The following NCALD variants were observed in gnomAD, a reference collection of about 807,000 sequenced individuals.
NCALD encodes neurocalcin delta.
NCALD carries 10 observed loss-of-function variants against 18.6 expected under a neutral mutation model. That is an observed-to-expected ratio of 0.54 (90% CI 0.33 to 0.91). The LOEUF is 0.91. Ranked by LOEUF, NCALD falls within the 40% of genes least tolerant of loss-of-function variation. NCALD has a pLI of 0.03. For synonymous variants in NCALD, 88 were observed against 87.4 expected (o/e 1.01, Z -0.04); for missense variants, 184 against 247.6 (o/e 0.74, Z 1.72).
Position 101,688,812 on chromosome 8 carries a change from G to C in NCALD, c.*497C>G. The C allele has an allele frequency of 1.6e-6, 1 of 624,330 alleles. No individual in the cohort carries two copies. Among genetic ancestry groups the C allele is most frequent in the Non-Finnish European group, 3.0e-6 (1 of 338,700 alleles). 38.7% of individuals were successfully genotyped at this position (624,330 alleles called of 1,614,324 possible). A position where few individuals can be genotyped will look rare whatever the true frequency, so the allele number is the denominator to read the frequency against. On this transcript the variant is annotated 3_prime_UTR_variant, in exon 4 of 4. Coordinates refer to ENST00000220931, the MANE Select transcript of NCALD (RefSeq NM_032041.3). ...TGGGCCCCCATGGGGAAATGTCCCA[G>C]CTCGCTGGAATAGCCTCACCCCAGA...
intron 1 of NCALD, among the ~76,000 whole-genome samples, chr8:102,023,720 C>A (rs557601451): frequency 7.9e-4 from 121 of 152,246 alleles, no homozygotes; most frequent in Middle Eastern, 3.4e-3. Flanking sequence ...CAAGGATTTG[C>A]CATAGAAAAA....
At chr8:101,963,817 C>G (rs565484365) in intron 2 of NCALD, among the ~76,000 whole-genome samples, 1 of 152,048 alleles carries the variant, frequency 6.6e-6, no homozygotes, top group Non-Finnish European at 1.5e-5. Context: ...GAGAAACCAC[C>G]TGGAAAGATA....
At chr8:102,051,793 A>G (rs2186681) in intron 1 of NCALD, among the ~76,000 whole-genome samples, 76,738 of 152,094 alleles carry the variant, frequency 0.5, 19,891 homozygotes, top group African/African-American at 0.57. Context: ...TGTGCCATGC[A>G]AAATCCAAAC....
At chr8:101,853,319 C>T (rs1362188139) in intron 4 of NCALD, among the ~76,000 whole-genome samples, 1 of 152,098 alleles carries the variant, frequency 6.6e-6, no homozygotes, top group Non-Finnish European at 1.5e-5. Context: ...TTCTTGATGG[C>T]AGATCTATCA....
intron 1 of NCALD, among the ~76,000 whole-genome samples, chr8:102,089,120 T>C (rs1464733599): frequency 6.6e-6 from 1 of 152,124 alleles, no homozygotes; most frequent in Non-Finnish European, 1.5e-5. Context: ...ATAGGCCGGG[T>C]GCAGTGGCTC....
intron 1 of NCALD, among the ~76,000 whole-genome samples, chr8:102,030,469 T>C (rs1041888398): frequency 6.6e-6 from 1 of 152,250 alleles, no homozygotes; most frequent in African/African-American, 2.4e-5. Context: ...AGTTCATGTA[T>C]GTATATAAAC....
intron 2 of NCALD, among the ~76,000 whole-genome samples, chr8:101,974,705 A>C (rs986582296): frequency 9.9e-5 from 15 of 152,226 alleles, no homozygotes; most frequent in Admixed American, 9.2e-4. Context: ...TGTGTGTTCA[A>C]AACAGCAATA....
chr8:101,921,549 G>A (rs1818166561), intron 2 of NCALD, among the ~76,000 whole-genome samples: 1 of 152,038 alleles, frequency 6.6e-6, no homozygotes, highest in African/African-American at 2.4e-5. Flanking sequence ...AGCACTTAAT[G>A]GAGAATTGAA....
At chr8:102,040,189 A>G (rs1369773741) in intron 1 of NCALD, among the ~76,000 whole-genome samples, 2 of 152,170 alleles carry the variant, frequency 1.3e-5, no homozygotes, top group African/African-American at 4.8e-5. Flanking sequence ...TATCAATGAC[A>G]TTATCTAAAC....
At chr8:101,712,966 C>T (rs1333555824) in intron 2 of NCALD, among the ~76,000 whole-genome samples, 7 of 152,176 alleles carry the variant, frequency 4.6e-5, no homozygotes, top group Admixed American at 4.6e-4. Context: ...CCCAAATCAA[C>T]AGTGTATACA....
intron 2 of NCALD, among the ~76,000 whole-genome samples, chr8:102,017,569 C>A (rs1201309550): frequency 6.6e-6 from 1 of 152,100 alleles, no homozygotes; most frequent in African/African-American, 2.4e-5. Flanking sequence ...GTGGTGGGCA[C>A]CTGCAGTCCC....
At position 101,932,201 on chromosome 8, in the gene NCALD, C is replaced by T. The variant is rs143903464; in HGVS notation, c.-156-16343G>A. Among the ~76,000 whole-genome samples the T allele has an allele frequency of 1.3e-3, 198 of 152,320 alleles. 2 individuals carry two copies. Among genetic ancestry groups the T allele is most frequent in the African/African-American group, 4.3e-3 (180 of 41,562 alleles). ...CTGTCTTTCAGCCTCCAGGCCCCCT[C>T]CCCTGCCACAGGGACTTGCAGTCCA... is the stretch of plus-strand genomic sequence containing the variant. On this transcript the variant is annotated intron_variant, in intron 2 of 6. Coordinates refer to the NCALD transcript ENST00000311028.
chr8:101,750,801 A>G (rs1470371459), intron 1 of NCALD: 1 of 152,224 alleles, frequency 6.6e-6, no homozygotes, highest in African/African-American at 2.4e-5. Flanking sequence ...ATCTTCTGCC[A>G]GGTGATGAGC....
chr8:101,881,160 TA>T (rs1185004830), intron 4 of NCALD, among the ~76,000 whole-genome samples: 1 of 152,002 alleles, frequency 6.6e-6, no homozygotes, highest in African/African-American at 2.4e-5. Context: ...TCTATTAAAA[TA>T]AAAAAATACA....
chr8:101,712,609 A>AAAAAAAC, intron 2 of NCALD, among the ~76,000 whole-genome samples: 1 of 146,158 alleles, frequency 6.8e-6, no homozygotes, highest in African/African-American at 2.5e-5. Context: ...AAAAAAAAAA[A>AAAAAAAC]AATAGCAGAG....
At chr8:101,853,751 G>A (rs901967501) in intron 4 of NCALD, among the ~76,000 whole-genome samples, 1 of 152,178 alleles carries the variant, frequency 6.6e-6, no homozygotes, top group Non-Finnish European at 1.5e-5. Context: ...CAGGAGCAGA[G>A]TGTGGAATGA....
rs182784866 is a variant in NCALD, at chr8:101,747,595, T to G, written c.-19-27947A>C. ...CCAAGGTTGGAGTTTTTCAGACTTG[T>G]ACCTGGAAGCATCCCAACTGGGACA... On this transcript the variant is annotated intron_variant, in intron 1 of 3. Transcript: ENST00000220931. Among the ~76,000 whole-genome samples the G allele has an allele frequency of 1.8e-3, 268 of 152,308 alleles. 3 individuals are homozygous for G. The highest frequency in any genetic ancestry group is 2.4e-3 in the Non-Finnish European group (162 of 68,020).
intron 4 of NCALD, among the ~76,000 whole-genome samples, chr8:101,842,458 C>T (rs988753866): frequency 2.0e-5 from 3 of 152,214 alleles, no homozygotes; most frequent in Non-Finnish European, 2.9e-5. Context: ...GCTTTTATCA[C>T]TAACAAGTCT....
At chr8:102,065,376 A>G (rs1823978113) in intron 1 of NCALD, among the ~76,000 whole-genome samples, 1 of 152,162 alleles carries the variant, frequency 6.6e-6, no homozygotes, top group Non-Finnish European at 1.5e-5. Flanking sequence ...GGGGATGTGA[A>G]CAACTCCAGG....
Sources: allele counts gnomAD v4.1 joint callset (sites outside exome capture counted in the v4.1 genomes callset), GRCh38; gene constraint gnomAD v4.1.1; transcripts MANE v1.5; gene names NCBI Gene and HGNC (gene_info 2026-07-23, HGNC 2026-07-21).